The following GPAT4 variants were observed in gnomAD, a reference collection of about 807,000 sequenced individuals.
GPAT4 encodes 1-AGP acyltransferase 6.
GPAT4 carries 17 observed loss-of-function variants against 58.0 expected under a neutral mutation model. The observed-to-expected ratio is 0.29, with a 90% CI of 0.20 to 0.44. The LOEUF is 0.44. GPAT4 is among the 20% of genes least tolerant of loss of function. GPAT4 has a pLI of 1.00. For synonymous variants in GPAT4, 204 were observed against 210.1 expected, an observed-to-expected ratio of 0.97 and a Z score of 0.25; for missense variants, 377 against 574.5, an observed-to-expected ratio of 0.66 and a Z score of 3.51.
At chr8:41,615,464 A>C in intron 10 of GPAT4, among the ~76,000 whole-genome samples, 1 of 150,668 alleles carries the variant, frequency 6.6e-6, no homozygotes, top group African/African-American at 2.4e-5. Flanking sequence ...GGGGGGGGTC[A>C]TTACTCCAGC....
chr8:41,613,020 G>A (rs1803488637), intron 8 of GPAT4, 60 bp downstream of exon 8: 3 of 1,454,142 alleles, frequency 2.1e-6, no homozygotes, highest in Admixed American at 1.8e-5. Flanking sequence ...AGGTTTCAGG[G>A]TAGTTATCCC....
chr8:41,615,097 G>GT, intron 10 of GPAT4, 49 bp downstream of exon 10: 2 of 1,511,488 alleles, frequency 1.3e-6, no homozygotes, highest in Non-Finnish European at 1.8e-6. Flanking sequence ...GCTGCTGTGA[G>GT]TGGGGTGCAG....
chr8:41,591,943 C>T (rs754810271), intron 1 of GPAT4, among the ~76,000 whole-genome samples: 2 of 152,144 alleles, frequency 1.3e-5, no homozygotes, highest in African/African-American at 2.4e-5. Flanking sequence ...AAGGCTCTGC[C>T]AGTTTTATTA....
intron 10 of GPAT4, among the ~76,000 whole-genome samples, chr8:41,616,702 C>T (rs1251179918): frequency 6.6e-6 from 1 of 152,164 alleles, no homozygotes; most frequent in Non-Finnish European, 1.5e-5. Context: ...GCTGTCAGAA[C>T]ACGAACCCTG....
At chr8:41,596,456 G>A (rs1296228262) in intron 1 of GPAT4, among the ~76,000 whole-genome samples, 4 of 152,186 alleles carry the variant, frequency 2.6e-5, no homozygotes, top group South Asian at 4.1e-4. Context: ...ATCAGGCCAC[G>A]CTTCCACTCA....
intron 12 of GPAT4, among the ~76,000 whole-genome samples, chr8:41,619,608 C>T (rs1185883944): frequency 6.6e-6 from 1 of 152,162 alleles, no homozygotes; most frequent in Non-Finnish European, 1.5e-5. Context: ...AGCCCTTATA[C>T]TAGAGTATGA....
intron 4 of GPAT4, chr8:41,610,279 C>A: frequency 8.1e-7 from 1 of 1,242,184 alleles, no homozygotes; most frequent in South Asian, 2.0e-5. Flanking sequence ...GCTTGCCTCT[C>A]AGGTACAGGG....
intron 2 of GPAT4, 21 bp downstream of exon 2, chr8:41,599,325 A>G (rs776052125): frequency 1.2e-6 from 2 of 1,613,144 alleles, no homozygotes; most frequent in South Asian, 2.2e-5. Context: ...CTGTTACAAA[A>G]GGTTGCTTCA....
In GPAT4 at chr8:41,578,274, G is replaced by A. The variant is rs1166942785; in HGVS notation, c.-853G>A. The A allele has an allele frequency of 1.3e-5, 2 of 151,586 alleles. No homozygotes were observed. The highest frequency in any genetic ancestry group is 4.8e-5 in the African/African-American group (2 of 41,352). 9.4% of individuals were successfully genotyped at this position (151,586 alleles called of 1,614,324 possible). A position where few individuals can be genotyped will look rare whatever the true frequency, so the allele number is the denominator to read the frequency against. Reference sequence around the variant, plus strand: ...GGGATTTGGAGCTGCCTAGCCTCGCGGTCGGTGAGTAGGAGGGAGCTGGCC... The same window carrying A: ...GGGATTTGGAGCTGCCTAGCCTCGCAGTCGGTGAGTAGGAGGGAGCTGGCC... On this transcript the variant is annotated 5_prime_UTR_variant, in exon 1 of 13. Coordinates refer to ENST00000396987, the MANE Select transcript of GPAT4 (RefSeq NM_178819.4).
chr8:41,602,043 G>A (rs1001042418), intron 2 of GPAT4, among the ~76,000 whole-genome samples: 5 of 152,142 alleles, frequency 3.3e-5, no homozygotes, highest in African/African-American at 4.8e-5. Context: ...CAGCCTCCTC[G>A]TCCTGGGTTC....
chr8:41,614,569 C>T, intron 9 of GPAT4, 128 bp downstream of exon 9: 2 of 936,144 alleles, frequency 2.1e-6, no homozygotes, highest in Non-Finnish European at 3.3e-6. Context: ...AATGTTAGGT[C>T]CCCTTTAGGT....
At chr8:41,586,016 A>G (rs914288794) in intron 1 of GPAT4, among the ~76,000 whole-genome samples, 1 of 152,262 alleles carries the variant, frequency 6.6e-6, no homozygotes, top group Non-Finnish European at 1.5e-5. Context: ...AGATGTGTAT[A>G]GTCATCAACA....
At chr8:41,591,542 C>G (rs929220768) in intron 1 of GPAT4, among the ~76,000 whole-genome samples, 3 of 152,224 alleles carry the variant, frequency 2.0e-5, no homozygotes, top group Admixed American at 1.3e-4. Flanking sequence ...ATATAGTACA[C>G]TTATGCTGAA....
In GPAT4 at chr8:41,608,085, T is replaced by C. The variant is rs139146733; in HGVS notation, c.166-1331T>C. On this transcript the variant is annotated intron_variant, in intron 2 of 12. Transcript: ENST00000396987. Reference sequence around the variant, plus strand: ...GCCAAAAGACATCAATGGCCAAATATCTGAAACAGAGAAAATGGGTCATGT... The same window carrying C: ...GCCAAAAGACATCAATGGCCAAATACCTGAAACAGAGAAAATGGGTCATGT... 5.8e-3 allele frequency among the ~76,000 whole-genome samples: 877 copies of C among 152,354 alleles called. 7 individuals carry two copies. The highest frequency in any genetic ancestry group is 0.018 in the African/African-American group (732 of 41,580).
intron 2 of GPAT4, among the ~76,000 whole-genome samples, chr8:41,604,135 A>T (rs1346998470): frequency 6.8e-6 from 1 of 147,996 alleles, no homozygotes; most frequent in Non-Finnish European, 1.5e-5. Flanking sequence ...TTGTGTGTCT[A>T]CATTTTCTTT....
At chr8:41,587,398 A>G (rs1043484612) in intron 1 of GPAT4, among the ~76,000 whole-genome samples, 2 of 152,224 alleles carry the variant, frequency 1.3e-5, no homozygotes, top group Non-Finnish European at 2.9e-5. Context: ...TCCTAGTGAC[A>G]GGGGCTTAGA....
intron 1 of GPAT4, among the ~76,000 whole-genome samples, chr8:41,594,762 G>T (rs1289438517): frequency 1.3e-5 from 2 of 151,980 alleles, no homozygotes; most frequent in African/African-American, 2.4e-5. Flanking sequence ...AGCCAGGATG[G>T]TCTCCATCTC....
Position 41,610,013 on chromosome 8 carries a change from C to G in GPAT4, c.536+58C>G, listed in dbSNP as rs967952504. 7.8e-6 allele frequency: 12 copies of G among 1,541,576 alleles called. No homozygotes were observed. The African/African-American group carries it at 1.6e-4, about 21-fold the overall frequency. On this transcript the variant is annotated intron_variant, in intron 4 of 12. Coordinates refer to ENST00000396987, the MANE Select transcript of GPAT4 (RefSeq NM_178819.4). Reference sequence around the variant, plus strand: ...GCTGCCACCCCACGTGGTGCACAGCCCACCTGCCTGCTCTGCTGTGTATTC... The same window carrying G: ...GCTGCCACCCCACGTGGTGCACAGCGCACCTGCCTGCTCTGCTGTGTATTC...
chr8:41,592,302 G>T (rs1802811038), intron 1 of GPAT4, among the ~76,000 whole-genome samples: 1 of 152,172 alleles, frequency 6.6e-6, no homozygotes, highest in Non-Finnish European at 1.5e-5. Flanking sequence ...GTCCCGGTGG[G>T]ACTCCAGGTG....
Sources: allele counts gnomAD v4.1 joint callset (sites outside exome capture counted in the v4.1 genomes callset), GRCh38; gene constraint gnomAD v4.1.1; transcripts MANE v1.5; gene names NCBI Gene and HGNC (gene_info 2026-07-23, HGNC 2026-07-21).